ADGB: variants seen among roughly 807,000 people sequenced by gnomAD.
The protein encoded by ADGB is calpain-7-like protein.
Under a neutral mutation model 210.5 loss-of-function variants are expected in ADGB, and 172 were observed. The ratio of observed to expected loss-of-function variants is 0.82; its 90% CI spans 0.72 to 0.93. The LOEUF is 0.93. ADGB is among the 40% of genes least tolerant of loss of function. ADGB has a pLI of 0.00. For synonymous variants in ADGB, 658 were observed against 662.7 expected (o/e 0.99, Z 0.11); for missense variants, 2,025 against 1,964.8 (o/e 1.03, Z -0.58).
At position 146,778,013 on chromosome 6, in the gene ADGB, CAACA is replaced by C. The variant is rs200141936; in HGVS notation, c.3863-4002_3863-3999del. 5.8e-3 allele frequency among the ~76,000 whole-genome samples: 886 copies of C among 152,258 alleles called. 4 individuals are homozygous for C. The highest frequency in any genetic ancestry group is 0.018 in the African/African-American group (755 of 41,542). ...CACCATTAGCAGCCATATTTTGTGA[CAACA>C]AACACAGCATTATTAGTAACAGACT... On this transcript the variant is annotated intron_variant, in intron 29 of 35. Coordinates refer to ENST00000397944, the MANE Select transcript of ADGB (RefSeq NM_024694.4).
In ADGB at chr6:146,736,551, T is replaced by C. The variant is rs1348382026; in HGVS notation, c.2848T>C (p.Leu950=). ...ADTLQKVWAV[L]EMNLEQYAVS... ...TACTCTTCAAAAAGTTTGGGCTGTA[T>C]TGGAAATGAATTTAGAACAGTATGC... The change falls in exon 23 of 36, where the codon TTG becomes CTG. Residue 950 remains leucine, a synonymous_variant. Coordinates refer to ENST00000397944, the MANE Select transcript of ADGB (RefSeq NM_024694.4). The C allele has an allele frequency of 1.3e-6, 2 of 1,549,662 alleles. No homozygotes were observed. The highest frequency in any genetic ancestry group is 1.7e-6 in the Non-Finnish European group (2 of 1,145,998).
chr6:146,642,019 A>G (rs539959447), intron 2 of ADGB, among the ~76,000 whole-genome samples: 1 of 152,242 alleles, frequency 6.6e-6, no homozygotes, highest in South Asian at 2.1e-4. Flanking sequence ...ACCAAGGTCT[A>G]ATATCCAGTA....
chr6:146,684,553 A>C (rs1776196619), intron 9 of ADGB, among the ~76,000 whole-genome samples: 1 of 152,120 alleles, frequency 6.6e-6, no homozygotes, highest in Admixed American at 6.6e-5. Flanking sequence ...AAGTATTTTC[A>C]TAAACATTCA....
intron 33 of ADGB, among the ~76,000 whole-genome samples, chr6:146,796,548 C>T (rs1385869505): frequency 6.6e-6 from 1 of 152,068 alleles, no homozygotes. Flanking sequence ...ATAGAGAACC[C>T]AGAAATAAAG....
chr6:146,697,744 A>C (rs936932103), intron 12 of ADGB, among the ~76,000 whole-genome samples: 2 of 152,224 alleles, frequency 1.3e-5, no homozygotes, highest in Admixed American at 6.5e-5. Context: ...CTCAAATCTT[A>C]ACGGCCAAAA....
intron 8 of ADGB, among the ~76,000 whole-genome samples, chr6:146,675,225 A>T (rs1462401241): frequency 6.6e-6 from 1 of 152,140 alleles, no homozygotes; most frequent in Non-Finnish European, 1.5e-5. Context: ...AGGCTGATGC[A>T]GGCAGACCAC....
At chr6:146,612,650 T>A (rs1172749242) in intron 1 of ADGB, among the ~76,000 whole-genome samples, 1 of 152,080 alleles carries the variant, frequency 6.6e-6, no homozygotes, top group Non-Finnish European at 1.5e-5. Flanking sequence ...TTAGTCAAGG[T>A]TTTTCTTATC....
chr6:146,775,904 G>T (rs922287120), intron 29 of ADGB, among the ~76,000 whole-genome samples: 8 of 152,018 alleles, frequency 5.3e-5, no homozygotes, highest in Non-Finnish European at 1.0e-4. Context: ...TTCTAAACAA[G>T]TATTCTAGCT....
At chr6:146,742,990 C>G (rs1332105471) in intron 25 of ADGB, among the ~76,000 whole-genome samples, 1 of 152,074 alleles carries the variant, frequency 6.6e-6, no homozygotes, top group Non-Finnish European at 1.5e-5. Context: ...ATTGGAAACC[C>G]CTCCTCTAAA....
intron 1 of ADGB, among the ~76,000 whole-genome samples, chr6:146,603,650 A>C (rs1475410502): frequency 6.6e-6 from 1 of 152,220 alleles, no homozygotes; most frequent in Admixed American, 6.5e-5. Context: ...AATATATTTC[A>C]TAATTTTCAA....
chr6:146,650,810 GCAGA>G (rs1324050951), intron 3 of ADGB, among the ~76,000 whole-genome samples: 1 of 152,090 alleles, frequency 6.6e-6, no homozygotes. Flanking sequence ...CGGATCTGAC[GCAGA>G]CAGAGTGCTC....
intron 6 of ADGB, among the ~76,000 whole-genome samples, chr6:146,665,232 C>T (rs1775923248): frequency 6.6e-6 from 1 of 152,032 alleles, no homozygotes; most frequent in Non-Finnish European, 1.5e-5. Context: ...AGTCAGAAGT[C>T]AGGCCTGCTT....
intron 2 of ADGB, among the ~76,000 whole-genome samples, chr6:146,641,460 A>C (rs1184211077): frequency 2.6e-5 from 4 of 151,956 alleles, no homozygotes; most frequent in African/African-American, 7.2e-5. Flanking sequence ...ACGGGAAAAA[A>C]AAAAAAGCTG....
intron 35 of ADGB, among the ~76,000 whole-genome samples, chr6:146,811,876 A>G (rs928032686): frequency 1.2e-4 from 18 of 151,946 alleles, no homozygotes; most frequent in African/African-American, 4.1e-4. Flanking sequence ...GGGCTTCACC[A>G]TGTTGGTCAG....
intron 7 of ADGB, among the ~76,000 whole-genome samples, chr6:146,669,732 A>G (rs184915632): frequency 6.8e-4 from 104 of 152,212 alleles, no homozygotes; most frequent in African/African-American, 2.4e-3. Context: ...TGTAACTTTA[A>G]ATAACAAACT....
At chr6:146,627,853 A>G (rs1158211146) in intron 1 of ADGB, among the ~76,000 whole-genome samples, 1 of 152,042 alleles carries the variant, frequency 6.6e-6, no homozygotes, top group Non-Finnish European at 1.5e-5. Flanking sequence ...TGCCTGTGTT[A>G]CCTTGCAATC....
chr6:146,660,292 T>C (rs974671966), intron 5 of ADGB, among the ~76,000 whole-genome samples: 3 of 152,194 alleles, frequency 2.0e-5, no homozygotes, highest in Non-Finnish European at 4.4e-5. Context: ...AATTACTTTG[T>C]TCCAAAATGG....
chr6:146,803,317 AAGAAC>A (rs1778160117), intron 35 of ADGB: 1 of 1,608,314 alleles, frequency 6.2e-7, no homozygotes, highest in Non-Finnish European at 8.5e-7. Flanking sequence ...TCTGTCTGTG[AAGAAC>A]CAGAATCACT....
chr6:146,602,071 A>G (rs903442196), intron 1 of ADGB, among the ~76,000 whole-genome samples: 6 of 152,222 alleles, frequency 3.9e-5, no homozygotes, highest in Non-Finnish European at 8.8e-5. Context: ...ATTCCAGGTA[A>G]CTAAGCTGTA....
Sources: allele counts gnomAD v4.1 joint callset (sites outside exome capture counted in the v4.1 genomes callset), GRCh38; gene constraint gnomAD v4.1.1; transcripts MANE v1.5; gene names NCBI Gene and HGNC (gene_info 2026-07-23, HGNC 2026-07-21).